The following TBC1D9B variants were observed in gnomAD, a reference collection of about 807,000 sequenced individuals.
The protein encoded by TBC1D9B is TBC1 domain family, member 9B (with GRAM domain).
In TBC1D9B, 87 loss-of-function variants were observed where a neutral mutation model predicts 121.1. The ratio of observed to expected loss-of-function variants is 0.72; its 90% CI spans 0.60 to 0.86. TBC1D9B has a LOEUF of 0.86. TBC1D9B is among the 40% of genes least tolerant of loss of function. The pLI, the probability that TBC1D9B is intolerant of heterozygous loss-of-function variation, is 0.00. For synonymous variants in TBC1D9B, 668 were observed against 670.1 expected (o/e 1.00, Z 0.05); for missense variants, 1,540 against 1,628.6 (o/e 0.95, Z 0.94).
In TBC1D9B at chr5:179,907,244, G is replaced by A. The variant is rs1761348309; in HGVS notation, c.118+460C>T. On this transcript the variant is annotated intron_variant, in intron 1 of 20. Transcript: ENST00000355235. This position sits in a 1 kb window ranked among gnomAD's most constrained non-coding sequence, Gnocchi z 5.3. ...ATCTTGCTAAAAGGGCGATACTTTG[G>A]TGAGATGGGCACGAAGAAGAGGGCA... Among the ~76,000 whole-genome samples, 1 of 152,192 alleles carries A rather than the reference G, an allele frequency of 6.6e-6. No homozygotes were observed. Among genetic ancestry groups the A allele is most frequent in the African/African-American group, 2.4e-5 (1 of 41,460 alleles).
At chr5:179,887,845 C>A in intron 7 of TBC1D9B, 1 of 547,566 alleles carries the variant, frequency 1.8e-6, no homozygotes, top group South Asian at 2.2e-5. Context: ...GAAAGGACAG[C>A]CAGAGAAGGT....
chr5:179,864,710 G>A (rs1170323779), intron 20 of TBC1D9B, among the ~76,000 whole-genome samples: 1 of 152,258 alleles, frequency 6.6e-6, no homozygotes, highest in Non-Finnish European at 1.5e-5. Context: ...TGCTGGGGGA[G>A]TGGTCAGATT....
rs1233266063 is a variant in TBC1D9B at position 179,904,593 on chromosome 5, G to A, written c.229+109C>T. ...CCCTCTTGCAGCCTTGGGCTATGCT[G>A]TCAGCAGGGAATACCACCCAGACAC... On this transcript the variant is annotated intron_variant, in intron 2 of 20. Transcript: ENST00000355235. This position sits in a 1 kb window ranked among gnomAD's most constrained non-coding sequence, Gnocchi z 4.2. 5 of 950,760 alleles carry A rather than the reference G, an allele frequency of 5.3e-6. No homozygotes were observed. The highest frequency in any genetic ancestry group is 2.7e-5 in the East Asian group (1 of 36,904). The allele number at this position is 950,760 out of a possible 1,614,324, so 58.9% of individuals were successfully genotyped here.
At chr5:179,879,511 C>T in intron 8 of TBC1D9B, 117 bp downstream of exon 8, 2 of 1,492,384 alleles carry the variant, frequency 1.3e-6, no homozygotes, top group Non-Finnish European at 1.8e-6. Context: ...TGGGTGGGCA[C>T]TGCCCAGCGG....
At position 179,865,190 on chromosome 5, in the gene TBC1D9B, G is replaced by A. The variant is rs992742528; in HGVS notation, c.3021+64C>T. The A allele has an allele frequency of 2.0e-6, 3 of 1,511,430 alleles. No homozygotes were observed. Among genetic ancestry groups the A allele is most frequent in the African/African-American group, 1.4e-5 (1 of 72,736 alleles). The allele number at this position is 1,511,430 out of a possible 1,614,324, so 93.6% of individuals were successfully genotyped here. ...GATGCTGCAGTGCAGGTGCGGTGAT[G>A]TTAGGGCCCAGTCTTGGTCAGAACT... On this transcript the variant is annotated intron_variant, in intron 20 of 20. Transcript: ENST00000355235. This position sits in a 1 kb window ranked among gnomAD's most constrained non-coding sequence, Gnocchi z 5.1.
intron 18 of TBC1D9B, chr5:179,866,258 C>T: frequency 5.3e-6 from 1 of 189,114 alleles, no homozygotes; most frequent in Non-Finnish European, 1.0e-5. Context: ...GGGAATGTTC[C>T]TGCTAGAACT....
In TBC1D9B at chr5:179,872,890, A is replaced by G; in HGVS notation, c.2415+2T>C. 6.2e-7 allele frequency: 1 copy of G among 1,612,590 alleles called. No homozygotes were observed. Among genetic ancestry groups the G allele is most frequent in the Non-Finnish European group, 8.5e-7 (1 of 1,179,798 alleles). ...CCTGCCCAGCCCTGCTGGCACCCAT[A>G]CCACACTCCTCTTGGCCGTGTCCTC... On this transcript the variant is annotated splice_donor_variant, in intron 14 of 20. Coordinates refer to ENST00000355235, the MANE Select transcript of TBC1D9B (RefSeq NM_015043.4). LOFTEE classifies it high-confidence loss of function.
intron 17 of TBC1D9B, 127 bp downstream of exon 17, chr5:179,869,642 G>C (rs1489596808): frequency 9.9e-7 from 1 of 1,012,486 alleles, no homozygotes; most frequent in Non-Finnish European, 1.5e-6. Context: ...CCTCCAATGT[G>C]AACCTCCAGC....
chr5:179,891,623 A>C lies in TBC1D9B; in HGVS notation c.837-37T>G. 1.2e-6 allele frequency: 2 copies of C among 1,605,046 alleles called. No homozygotes were observed. The highest frequency in any genetic ancestry group is 1.7e-6 in the Non-Finnish European group (2 of 1,177,206). ...AGGTAGGAGGACAGGAGGAAAGGGG[A>C]CAAGGTCAGGACCAGCACACTCTCA... On this transcript the variant is annotated intron_variant, in intron 5 of 20. Transcript: ENST00000355235. The surrounding 1 kb of genome is among the most constrained non-coding windows in gnomAD (Gnocchi z 4.3).
rs140015158 is a variant in TBC1D9B, at chr5:179,875,027, G to A, written c.2061C>T (p.Ile687=). ...SVMPFESAVV[I]VDCFFYEGIK... ...TGCCCTCATAGAAAAAGCAGTCGAC[G>A]ATGACCACGGCGCTCTCGAAGGGCA... is the stretch of plus-strand genomic sequence containing the variant. Residue 687 remains isoleucine (I), a synonymous_variant, in exon 12 of 21, where the codon ATC becomes ATT. Coordinates refer to ENST00000355235, the MANE Select transcript of TBC1D9B (RefSeq NM_015043.4). The surrounding 1 kb of genome is among the most constrained non-coding windows in gnomAD (Gnocchi z 4.5). 8 of 1,614,070 alleles carry A rather than the reference G, an allele frequency of 5.0e-6. No homozygotes were observed. The African/African-American group carries it at 6.7e-5, about 13-fold the overall frequency.
At chr5:179,864,736 G>A (rs1204638899) in intron 20 of TBC1D9B, among the ~76,000 whole-genome samples, 1 of 152,208 alleles carries the variant, frequency 6.6e-6, no homozygotes, top group Non-Finnish European at 1.5e-5. Flanking sequence ...GTCCCCTACT[G>A]GGCACAGCTA....
intron 14 of TBC1D9B, 143 bp downstream of exon 14, chr5:179,872,749 G>A: frequency 1.3e-6 from 1 of 746,358 alleles, no homozygotes; most frequent in Non-Finnish European, 2.2e-6. Context: ...CTGGATCCCG[G>A]TCCCATGAAT....
In TBC1D9B at chr5:179,907,024, A is replaced by G. The variant is rs373403749; in HGVS notation, c.118+680T>C. Among the ~76,000 whole-genome samples the G allele has an allele frequency of 1.1e-4, 16 of 152,278 alleles. 2 individuals carry two copies. The highest frequency in any genetic ancestry group is 6.2e-4 in the South Asian group (3 of 4,828). ...GGATCCCACAGGCCGCACGACTCCAAGGGTGCCTGTCCAGCTTCATCCTGT... is the reference window on the plus strand; with the variant it reads ...GGATCCCACAGGCCGCACGACTCCAGGGGTGCCTGTCCAGCTTCATCCTGT... On this transcript the variant is annotated intron_variant, in intron 1 of 20. Coordinates refer to ENST00000355235, the MANE Select transcript of TBC1D9B (RefSeq NM_015043.4). This position sits in a 1 kb window ranked among gnomAD's most constrained non-coding sequence, Gnocchi z 5.3.
In TBC1D9B at chr5:179,899,184, C is replaced by T. The variant is rs1485915016; in HGVS notation, c.348+5G>A. 2 of 1,593,846 alleles carry T rather than the reference C, an allele frequency of 1.3e-6. No homozygotes were observed. Among genetic ancestry groups the T allele is most frequent in the Non-Finnish European group, 8.6e-7 (1 of 1,168,640 alleles). On this transcript the variant is annotated splice_donor_5th_base_variant and intron_variant, in intron 3 of 20. Transcript: ENST00000355235. The stretch of plus-strand genomic sequence containing the variant: ...TGAGAACAGAGAGTGGCGGGTAAAC[C>T]TTACGTGTATCTTGCCCTTGACGAA...
rs74883782 is a variant in TBC1D9B, at chr5:179,880,752, A to G, written c.1255-963T>C. ...ATAAAAGGAAAAAGGAAAAAAAAAA[A>G]GAGAGAACTCTGCTAGGTTCACACC... is the stretch of plus-strand genomic sequence containing the variant. On this transcript the variant is annotated intron_variant, in intron 7 of 20. Transcript: ENST00000355235. Among the ~76,000 whole-genome samples, 6 of 151,722 alleles carry G rather than the reference A, an allele frequency of 4.0e-5. No individual in the cohort carries two copies. The East Asian group carries it at 1.2e-3, about 29-fold the overall frequency.
At position 179,878,624 on chromosome 5, in the gene TBC1D9B, T is replaced by C. The variant is rs867757180; in HGVS notation, c.1568-101A>G. The C allele has an allele frequency of 6.0e-6, 7 of 1,163,744 alleles. 1 individual carries two copies. The Middle Eastern group carries it at 1.6e-3, about 261-fold the overall frequency. The allele number at this position is 1,163,744 out of a possible 1,614,324, so 72.1% of individuals were successfully genotyped here. ...CACCGGGTGCCCCACAGAGGAGAGG[T>C]GGGACTTGGGGTCAAGCACAAGCTG... On this transcript the variant is annotated intron_variant, in intron 9 of 20. Coordinates refer to ENST00000355235, the MANE Select transcript of TBC1D9B (RefSeq NM_015043.4).
chr5:179,874,752 G>A lies in TBC1D9B; in HGVS notation c.2186+150C>T, dbSNP rs1582081399. The A allele has an allele frequency of 8.9e-7, 1 of 1,120,778 alleles. No individual in the cohort carries two copies. The highest frequency in any genetic ancestry group is 2.6e-5 in the East Asian group (1 of 39,098). 69.4% of individuals were successfully genotyped at this position (1,120,778 alleles called of 1,614,324 possible). On this transcript the variant is annotated intron_variant, in intron 12 of 20. Coordinates refer to ENST00000355235, the MANE Select transcript of TBC1D9B (RefSeq NM_015043.4). This position sits in a 1 kb window ranked among gnomAD's most constrained non-coding sequence, Gnocchi z 4.3. ...CGCTGCTTCATCTCCCACTAGAAAG[G>A]AGCCGCCTCCTGACCCCAGAGCACC...
rs186674042 is a variant in TBC1D9B, at chr5:179,897,159, G to A, written c.348+2030C>T. On this transcript the variant is annotated intron_variant, in intron 3 of 20. Transcript: ENST00000355235. ...CCTGACCTCGTGATCCGCCCGCCTC[G>A]GCCTCCAAAAGTGCTGGGATTACAG... 1.4e-4 allele frequency among the ~76,000 whole-genome samples: 22 copies of A among 151,846 alleles called. No individual in the cohort carries two copies. The East Asian group carries it at 3.7e-3, about 26-fold the overall frequency.
Position 179,891,265 on chromosome 5 carries a change from C to T in TBC1D9B, c.1044+114G>A. 1.6e-6 allele frequency: 2 copies of T among 1,234,894 alleles called. No homozygotes were observed. Among genetic ancestry groups the T allele is most frequent in the Non-Finnish European group, 2.3e-6 (2 of 864,794 alleles). 76.5% of individuals were successfully genotyped at this position (1,234,894 alleles called of 1,614,324 possible). A position where few individuals can be genotyped will look rare whatever the true frequency, so the allele number is the denominator to read the frequency against. On this transcript the variant is annotated intron_variant, in intron 6 of 20. Coordinates refer to ENST00000355235, the MANE Select transcript of TBC1D9B (RefSeq NM_015043.4). The surrounding 1 kb of genome is among the most constrained non-coding windows in gnomAD (Gnocchi z 4.3). ...TGACATGTGACTGCCTGGGCTAGGG[C>T]ATCCTCCCAGGTACCCCCCAGTGAG...
Sources: gnomAD v4.1 joint callset for allele counts (sites outside exome capture counted in the v4.1 genomes callset) on GRCh38, gnomAD v4.1.1 for gene constraint, Gnocchi (gnomAD v3.1) non-coding constraint, MANE v1.5 for transcripts, NCBI Gene and HGNC (gene_info 2026-07-23, HGNC 2026-07-21) for gene names.